CPNE4: variants seen among roughly 807,000 people sequenced by gnomAD.
The protein encoded by CPNE4 is copine-4.
CPNE4 carries 25 observed loss-of-function variants against 67.9 expected under a neutral mutation model. The ratio of observed to expected loss-of-function variants is 0.37; its 90% CI spans 0.27 to 0.51. The LOEUF (loss-of-function observed/expected upper bound fraction) is 0.51. CPNE4 is among the 20% of genes least tolerant of loss of function. The pLI, the probability that CPNE4 is intolerant of heterozygous loss-of-function variation, is 0.93. For synonymous variants in CPNE4, 242 were observed against 244.9 expected (o/e 0.99, Z 0.11); for missense variants, 464 against 690.8 (o/e 0.67, Z 3.68).
intron 7 of CPNE4, among the ~76,000 whole-genome samples, chr3:131,639,259 C>T (rs1257393302): frequency 6.6e-6 from 1 of 151,830 alleles, no homozygotes; most frequent in Non-Finnish European, 1.5e-5. Flanking sequence ...ACTGATGGAC[C>T]ATTAGCGAGA....
intron 2 of CPNE4, among the ~76,000 whole-genome samples, chr3:131,785,120 C>A (rs143895602): frequency 9.9e-5 from 15 of 152,224 alleles, no homozygotes; most frequent in African/African-American, 3.6e-4. Flanking sequence ...GGATCCAGAC[C>A]AGTACTGTCC....
At chr3:131,981,242 G>A (rs543289199) in intron 1 of CPNE4, among the ~76,000 whole-genome samples, 1 of 151,666 alleles carries the variant, frequency 6.6e-6, no homozygotes, top group South Asian at 2.1e-4. Flanking sequence ...GGTGGGTGGG[G>A]CCCTAGAACT....
At chr3:131,606,780 C>T (rs141629474) in intron 7 of CPNE4, among the ~76,000 whole-genome samples, 4 of 151,494 alleles carry the variant, frequency 2.6e-5, no homozygotes, top group African/African-American at 7.3e-5. Context: ...TGTAGACTTA[C>T]TCCAGCCACC....
intron 2 of CPNE4, among the ~76,000 whole-genome samples, chr3:131,801,095 A>T (rs1298556945): frequency 6.6e-6 from 1 of 152,066 alleles, no homozygotes; most frequent in Non-Finnish European, 1.5e-5. Context: ...ATTGTGGTAC[A>T]TAAATATATA....
At chr3:131,803,442 G>A (rs1244148323) in intron 2 of CPNE4, among the ~76,000 whole-genome samples, 3 of 152,144 alleles carry the variant, frequency 2.0e-5, no homozygotes, top group Non-Finnish European at 4.4e-5. Flanking sequence ...TCTCTATCAA[G>A]TTTTTCTACA....
chr3:131,776,605 A>C (rs1474222265), intron 2 of CPNE4, among the ~76,000 whole-genome samples: 9 of 152,186 alleles, frequency 5.9e-5, no homozygotes. Flanking sequence ...AGTGAGAATA[A>C]TACCCCTAGC....
At chr3:131,668,497 C>T (rs1040763021) in intron 7 of CPNE4, among the ~76,000 whole-genome samples, 4 of 151,986 alleles carry the variant, frequency 2.6e-5, no homozygotes, top group African/African-American at 9.7e-5. Flanking sequence ...TCTCAGTTAC[C>T]CAATTCTGAT....
chr3:131,851,393 G>A (rs1222822416), intron 2 of CPNE4, among the ~76,000 whole-genome samples: 5 of 151,796 alleles, frequency 3.3e-5, no homozygotes, highest in Admixed American at 3.3e-4. Flanking sequence ...GTAACAGTTG[G>A]GCACAGGAAA....
At chr3:131,976,812 CTTTT>C (rs2072668733) in intron 1 of CPNE4, among the ~76,000 whole-genome samples, 1 of 138,518 alleles carries the variant, frequency 7.2e-6, no homozygotes, top group Non-Finnish European at 1.6e-5. Context: ...TTTTTTTTTT[CTTTT>C]TTTGAGACAG....
chr3:131,955,814 A>G (rs2071949980), intron 1 of CPNE4, among the ~76,000 whole-genome samples: 1 of 152,180 alleles, frequency 6.6e-6, no homozygotes, highest in South Asian at 2.1e-4. Flanking sequence ...CAATCGCTGT[A>G]CATCTTTTCT....
intron 2 of CPNE4, among the ~76,000 whole-genome samples, chr3:131,845,547 T>G (rs980870926): frequency 2.6e-5 from 4 of 152,212 alleles, no homozygotes; most frequent in Non-Finnish European, 4.4e-5. Context: ...TCTACTTAAC[T>G]TCATTATGAG....
At chr3:131,765,501 C>T (rs1276613703) in intron 2 of CPNE4, among the ~76,000 whole-genome samples, 4 of 152,082 alleles carry the variant, frequency 2.6e-5, no homozygotes. Context: ...CCAACCAGTT[C>T]TCTGTCTTGT....
At chr3:131,592,418 A>G (rs1024503432) in intron 7 of CPNE4, among the ~76,000 whole-genome samples, 3 of 152,128 alleles carry the variant, frequency 2.0e-5, no homozygotes, top group African/African-American at 7.2e-5. Context: ...TTATAAACCC[A>G]GGCCATTTGT....
At chr3:131,924,390 T>A (rs1448365084) in intron 1 of CPNE4, among the ~76,000 whole-genome samples, 2 of 152,048 alleles carry the variant, frequency 1.3e-5, no homozygotes, top group South Asian at 2.1e-4. Context: ...GACATCATCA[T>A]AGAAATGATT....
intron 6 of CPNE4, among the ~76,000 whole-genome samples, chr3:131,670,308 A>C (rs558377103): frequency 9.2e-5 from 14 of 152,364 alleles, no homozygotes; most frequent in African/African-American, 3.4e-4. Flanking sequence ...CCATACTTAT[A>C]CTAGCTTATC....
chr3:131,677,507 A>G (rs1461205171), intron 6 of CPNE4, among the ~76,000 whole-genome samples: 1 of 152,112 alleles, frequency 6.6e-6, no homozygotes, highest in African/African-American at 2.4e-5. Flanking sequence ...ATCTTTGCCC[A>G]TGCTTATGTC....
intron 2 of CPNE4, among the ~76,000 whole-genome samples, chr3:131,797,541 G>A (rs953676245): frequency 1.3e-5 from 2 of 152,152 alleles, no homozygotes; most frequent in Non-Finnish European, 2.9e-5. Flanking sequence ...TAACACTCAG[G>A]ACAGCTCATT....
intron 2 of CPNE4, among the ~76,000 whole-genome samples, chr3:131,869,417 A>G (rs920459890): frequency 2.0e-5 from 3 of 152,194 alleles, no homozygotes; most frequent in Non-Finnish European, 4.4e-5. Context: ...TATTTCTAAC[A>G]GTAATACTAT....
At chr3:132,036,652 A>T (rs1202075924), upstream of CPNE4, among the ~76,000 whole-genome samples, 2 of 152,222 alleles carry the variant, frequency 1.3e-5, no homozygotes, top group Non-Finnish European at 2.9e-5. Flanking sequence ...GTCATTGTGC[A>T]TTTCCTTGCA....
Sources: allele counts gnomAD v4.1 joint callset (sites outside exome capture counted in the v4.1 genomes callset), GRCh38; gene constraint gnomAD v4.1.1; transcripts MANE v1.5; gene names NCBI Gene and HGNC (gene_info 2026-07-23, HGNC 2026-07-21).